The following SLC24A2 variants were observed in gnomAD, a reference collection of about 807,000 sequenced individuals.
SLC24A2 encodes solute carrier family 24 member 2.
SLC24A2 carries 36 observed loss-of-function variants against 62.0 expected under a neutral mutation model. That is an observed-to-expected ratio of 0.58 (90% CI 0.44 to 0.77). SLC24A2 has a LOEUF of 0.77. SLC24A2 is among the 30% of genes least tolerant of loss of function. The pLI is 0.00. For synonymous variants in SLC24A2, 358 were observed against 294.0 expected (o/e 1.22, Z -2.23); for missense variants, 846 against 817.9 (o/e 1.03, Z -0.42).
At chr9:19,860,609 G>A in the SLC24A2 span, among the ~76,000 whole-genome samples, 83,061 of 151,798 alleles carry the variant, frequency 0.55, 23,618 homozygotes, top group Non-Finnish European at 0.62. Context: ...AACCAGCTCA[G>A]CTACAGGGCG....
the SLC24A2 span, among the ~76,000 whole-genome samples, chr9:20,097,787 G>C: frequency 8.2e-6 from 1 of 122,694 alleles, no homozygotes; most frequent in Non-Finnish European, 1.6e-5. Context: ...CTGTCACCCA[G>C]GCTGGAGTGC....
intron 8 of SLC24A2, among the ~76,000 whole-genome samples, chr9:19,548,371 T>C (rs1173668049): frequency 6.6e-6 from 1 of 152,220 alleles, no homozygotes. Context: ...CCCTACCTTC[T>C]AGGAAATGAC....
chr9:19,601,039 G>A (rs527664414), intron 4 of SLC24A2, among the ~76,000 whole-genome samples: 5 of 152,104 alleles, frequency 3.3e-5, no homozygotes, highest in Non-Finnish European at 5.9e-5. Context: ...ATTGTAAAAC[G>A]CACCAATCAG....
At chr9:19,641,239 G>C (rs1260661081) in intron 2 of SLC24A2, among the ~76,000 whole-genome samples, 1 of 152,132 alleles carries the variant, frequency 6.6e-6, no homozygotes, top group Admixed American at 6.5e-5. Flanking sequence ...TCTCAGTCTT[G>C]GGAACTCTGC....
chr9:19,714,794 C>T (rs1235953705), intron 2 of SLC24A2, among the ~76,000 whole-genome samples: 1 of 152,092 alleles, frequency 6.6e-6, no homozygotes, highest in South Asian at 2.1e-4. Context: ...ACTCATTTAG[C>T]AAGTATCCTG....
the SLC24A2 span, among the ~76,000 whole-genome samples, chr9:20,155,144 A>G: frequency 6.7e-6 from 1 of 149,360 alleles, no homozygotes; most frequent in Non-Finnish European, 1.5e-5. Flanking sequence ...AAAAAAAAGA[A>G]AAAGAAAAAA....
At chr9:20,243,208 T>TA in the SLC24A2 span, among the ~76,000 whole-genome samples, 2 of 152,170 alleles carry the variant, frequency 1.3e-5, no homozygotes, top group African/African-American at 4.8e-5. Flanking sequence ...GCACAATTTT[T>TA]AAAAAAATTA....
the SLC24A2 span, among the ~76,000 whole-genome samples, chr9:20,204,104 A>T: frequency 1.6e-3 from 244 of 152,334 alleles, 4 homozygotes; most frequent in Non-Finnish European, 1.4e-3. Flanking sequence ...AGATGTAATG[A>T]ACTCCTAAAA....
intron 2 of SLC24A2, among the ~76,000 whole-genome samples, chr9:19,728,485 G>C (rs1468563262): frequency 3.3e-5 from 5 of 151,622 alleles, no homozygotes; most frequent in Non-Finnish European, 1.5e-5. Flanking sequence ...TTCAGCTCAG[G>C]AGACTACACC....
At chr9:19,589,520 A>G (rs554330889) in intron 5 of SLC24A2, among the ~76,000 whole-genome samples, 1 of 152,322 alleles carries the variant, frequency 6.6e-6, no homozygotes, top group Non-Finnish European at 1.5e-5. Context: ...GTTAAAATTA[A>G]TCCATGATTT....
At chr9:19,909,692 G>A in the SLC24A2 span, among the ~76,000 whole-genome samples, 4,626 of 152,044 alleles carry the variant, frequency 0.03, 234 homozygotes, top group African/African-American at 0.1. Flanking sequence ...TTTCTTTGTG[G>A]CAGGGAGGGC....
At chr9:19,711,043 G>A (rs1300950730) in intron 2 of SLC24A2, among the ~76,000 whole-genome samples, 2 of 152,184 alleles carry the variant, frequency 1.3e-5, no homozygotes, top group Non-Finnish European at 2.9e-5. Flanking sequence ...AGTAGTAGCA[G>A]AAAAAATATT....
At chr9:20,211,819 ATTTGTG>A in the SLC24A2 span, among the ~76,000 whole-genome samples, 367 of 152,244 alleles carry the variant, frequency 2.4e-3, 1 homozygote, top group African/African-American at 8.0e-3. Context: ...GTCTCAAAAT[ATTTGTG>A]TTTGTGTTTG....
chr9:19,976,618 G>A, the SLC24A2 span, among the ~76,000 whole-genome samples: 10 of 152,284 alleles, frequency 6.6e-5, no homozygotes, highest in African/African-American at 2.4e-4. Flanking sequence ...ATAGCAGTGT[G>A]AAAACAGACT....
the SLC24A2 span, among the ~76,000 whole-genome samples, chr9:20,063,920 C>T: frequency 6.6e-6 from 1 of 152,256 alleles, no homozygotes; most frequent in Non-Finnish European, 1.5e-5. Context: ...AACAGCTTAG[C>T]AGTTTCTTAA....
At chr9:20,051,644 G>GTT in the SLC24A2 span, among the ~76,000 whole-genome samples, 1 of 83,388 alleles carries the variant, frequency 1.2e-5, no homozygotes, top group Admixed American at 1.5e-4. Context: ...TTTCTGTGAG[G>GTT]TTTTTTCTTT....
the SLC24A2 span, among the ~76,000 whole-genome samples, chr9:19,939,112 G>C: frequency 6.6e-6 from 1 of 152,220 alleles, no homozygotes; most frequent in East Asian, 1.9e-4. Flanking sequence ...TAGTAGTCTT[G>C]TTTCTGGATT....
At chr9:19,619,105 C>T (rs994647497) in intron 4 of SLC24A2, among the ~76,000 whole-genome samples, 11 of 152,096 alleles carry the variant, frequency 7.2e-5, no homozygotes, top group African/African-American at 2.7e-4. Flanking sequence ...CCTCCAATTG[C>T]CAAAGGATCA....
the SLC24A2 span, among the ~76,000 whole-genome samples, chr9:20,135,133 C>T: frequency 1.3e-5 from 2 of 152,118 alleles, no homozygotes; most frequent in East Asian, 3.9e-4. Context: ...AAGAAATTTG[C>T]AGCCTGGTGG....
Sources: allele counts gnomAD v4.1 joint callset (sites outside exome capture counted in the v4.1 genomes callset), GRCh38; gene constraint gnomAD v4.1.1; transcripts MANE v1.5; gene names NCBI Gene and HGNC (gene_info 2026-07-23, HGNC 2026-07-21).